The following NCAPG variants were observed in gnomAD, a reference collection of about 807,000 sequenced individuals.
The protein encoded by NCAPG is non-SMC condensin I complex subunit G.
In NCAPG, 69 loss-of-function variants were observed where a neutral mutation model predicts 113.1. The observed-to-expected ratio is 0.61, with a 90% CI of 0.50 to 0.75. NCAPG has a LOEUF of 0.75. NCAPG is among the 30% of genes least tolerant of loss of function. The probability of loss-of-function intolerance (pLI) is 0.00; values close to 1 mark genes in which losing one functional copy is unlikely to be tolerated. For missense variants in NCAPG, 1,058 were observed against 1,177.0 expected, an observed-to-expected ratio of 0.90 and a Z score of 1.48; for synonymous variants, 370 against 415.8, an observed-to-expected ratio of 0.89 and a Z score of 1.34.
intron 7 of NCAPG, among the ~76,000 whole-genome samples, chr4:17,821,310 G>T (rs1341962515): frequency 6.6e-6 from 1 of 152,066 alleles, no homozygotes; most frequent in Non-Finnish European, 1.5e-5. Context: ...AGAACCCAAA[G>T]GGTGGCTGAT....
chr4:17,843,056 C>T, intron 20 of NCAPG: 1 of 263,204 alleles, frequency 3.8e-6, no homozygotes, highest in Non-Finnish European at 7.3e-6. Context: ...GGCTTTTTTT[C>T]CTGTATAACA....
chr4:17,815,251 C>A (rs1044830263), intron 4 of NCAPG, 23 bp from the exon 5 acceptor site: 12 of 1,565,022 alleles, frequency 7.7e-6, no homozygotes, highest in African/African-American at 2.7e-5. Flanking sequence ...GGTTAATGAC[C>A]ATCTTTATAA....
chr4:17,836,610 T>C (rs1409971626), intron 14 of NCAPG, among the ~76,000 whole-genome samples: 2 of 152,204 alleles, frequency 1.3e-5, no homozygotes, highest in Non-Finnish European at 1.5e-5. Context: ...AATATTTGTA[T>C]ATGGTCTAAG....
intron 19 of NCAPG, 133 bp downstream of exon 19, chr4:17,840,826 CCTTT>C (rs1722336388): frequency 1.5e-5 from 7 of 462,670 alleles, no homozygotes; most frequent in African/African-American, 6.1e-5. Flanking sequence ...TCTTTGGTAT[CCTTT>C]CTTTTTAATT....
In NCAPG at chr4:17,825,483, A is replaced by G; in HGVS notation, c.1575A>G (p.Ile525Met). 1.2e-6 allele frequency: 2 copies of G among 1,610,170 alleles called. No individual in the cohort carries two copies. Among genetic ancestry groups the G allele is most frequent in the African/African-American group, 1.3e-5 (1 of 74,632 alleles). ...GGGCATCAGAATTAAAAGAAGAAATAAAAGCATTAGAAGATGCCAGAATAA... is the reference window on the plus strand; with the variant it reads ...GGGCATCAGAATTAAAAGAAGAAATGAAAGCATTAGAAGATGCCAGAATAA... ...FNRASELKEE[I>M]KALEDARINL... Residue 525 changes from isoleucine to methionine, a missense_variant, in exon 11 of 21, where the codon ATA becomes ATG. Ile to Met is a conservative substitution (Grantham distance 10). Transcript: ENST00000251496.
intron 9 of NCAPG, 82 bp from the exon 10 acceptor site, chr4:17,824,886 C>A: frequency 1.1e-6 from 1 of 900,350 alleles, no homozygotes. Flanking sequence ...ATGGTGGATA[C>A]TACTTGGAGT....
rs1033288600 is a variant in NCAPG at position 17,825,568 on chromosome 4, G to A, written c.1653+7G>A. The A allele has an allele frequency of 1.3e-6, 2 of 1,575,268 alleles. No homozygotes were observed. Among genetic ancestry groups the A allele is most frequent in the African/African-American group, 2.8e-5 (2 of 72,120 alleles). ...AGAAGTCCACATAGAGAAGGTACAGGTAACTTTTTTCATACTAAATCTCAG... is the reference window on the plus strand; with the variant it reads ...AGAAGTCCACATAGAGAAGGTACAGATAACTTTTTTCATACTAAATCTCAG... On this transcript the variant is annotated splice_region_variant and intron_variant, in intron 11 of 20. Coordinates refer to ENST00000251496, the MANE Select transcript of NCAPG (RefSeq NM_022346.5).
chr4:17,826,510 T>C (rs1721662252), intron 11 of NCAPG, among the ~76,000 whole-genome samples: 1 of 152,214 alleles, frequency 6.6e-6, no homozygotes, highest in South Asian at 2.1e-4. Flanking sequence ...CATTATAGGC[T>C]ATTAAATTTG....
rs564489470 is a variant in NCAPG at position 17,831,219 on chromosome 4, G to T, written c.1884+103G>T. 15 of 1,180,738 alleles carry T rather than the reference G, an allele frequency of 1.3e-5. No homozygotes were observed. The East Asian group carries it at 2.0e-4, about 16-fold the overall frequency. The allele number at this position is 1,180,738 out of a possible 1,614,324, so 73.1% of individuals were successfully genotyped here. ...ATCTATTCTGATTCTTATTGATGAT[G>T]ATTATTATGGATAATCTTTGGAGAC... On this transcript the variant is annotated intron_variant, in intron 13 of 20. Coordinates refer to ENST00000251496, the MANE Select transcript of NCAPG (RefSeq NM_022346.5).
intron 5 of NCAPG, among the ~76,000 whole-genome samples, chr4:17,815,794 G>C (rs562020759): frequency 7.5e-4 from 114 of 152,260 alleles, no homozygotes; most frequent in African/African-American, 2.6e-3. Flanking sequence ...AAAGTGTTGG[G>C]ATTACAGGTG....
In NCAPG at chr4:17,819,307, G is replaced by A. The variant is rs146756651; in HGVS notation, c.1118+1219G>A. Among the ~76,000 whole-genome samples the A allele has an allele frequency of 5.3e-5, 8 of 152,088 alleles. No homozygotes were observed. The East Asian group carries it at 1.5e-3, about 29-fold the overall frequency. On this transcript the variant is annotated intron_variant, in intron 7 of 20. Coordinates refer to ENST00000251496, the MANE Select transcript of NCAPG (RefSeq NM_022346.5). ...ATTTTTGGGTACCTTTGGGATTTTT[G>A]GGGGTTAATTCCAAGAAATAAGTTG...
chr4:17,823,911 C>A (rs1053296245), intron 9 of NCAPG, 141 bp downstream of exon 9: 7 of 623,292 alleles, frequency 1.1e-5, no homozygotes, highest in Non-Finnish European at 1.6e-5. Flanking sequence ...TTCTTAAAAC[C>A]ATTATCTATC....
At chr4:17,839,432 A>G (rs1933904283) in intron 16 of NCAPG, among the ~76,000 whole-genome samples, 1 of 152,144 alleles carries the variant, frequency 6.6e-6, no homozygotes, top group Non-Finnish European at 1.5e-5. Context: ...ACATGCAGCA[A>G]CTGGGGGATG....
chr4:17,815,365 T>C lies in NCAPG; in HGVS notation c.775+7T>C. 1.3e-6 allele frequency: 2 copies of C among 1,573,666 alleles called. No individual in the cohort carries two copies. The highest frequency in any genetic ancestry group is 2.3e-5 in the East Asian group (1 of 44,080). ...GGTCTTAATGACAGATCAGGTAAGA[T>C]AAACAACTTTATATATACAAAACTT... On this transcript the variant is annotated splice_region_variant and intron_variant, in intron 5 of 20. Transcript: ENST00000251496.
At chr4:17,813,400 C>G (rs538606861) in intron 3 of NCAPG, 2 of 263,308 alleles carry the variant, frequency 7.6e-6, no homozygotes, top group Admixed American at 1.0e-4. Flanking sequence ...TAGTCTCTTG[C>G]TTAAATTAAA....
intron 9 of NCAPG, 54 bp from the exon 10 acceptor site, chr4:17,824,914 T>C: frequency 7.9e-7 from 1 of 1,268,104 alleles, no homozygotes; most frequent in Non-Finnish European, 1.1e-6. Flanking sequence ...AGAATTTTGA[T>C]ACTATTTGCT....
intron 19 of NCAPG, 28 bp downstream of exon 19, chr4:17,840,721 A>C: frequency 7.2e-7 from 1 of 1,383,210 alleles, no homozygotes; most frequent in Non-Finnish European, 9.6e-7. Flanking sequence ...CATCTTTATG[A>C]TAAAAGTTTT....
At chr4:17,843,059 G>T in intron 20 of NCAPG, 1 of 287,530 alleles carries the variant, frequency 3.5e-6, no homozygotes, top group Non-Finnish European at 6.6e-6. Flanking sequence ...TTTTTTTCCT[G>T]TATAACACCA....
intron 12 of NCAPG, 128 bp downstream of exon 12, chr4:17,828,516 A>C (rs771573366): frequency 3.2e-5 from 15 of 467,964 alleles, no homozygotes; most frequent in African/African-American, 3.0e-4. Context: ...TAAATGATAA[A>C]ATATATATAT....
Sources: allele counts gnomAD v4.1 joint callset (sites outside exome capture counted in the v4.1 genomes callset), GRCh38; gene constraint gnomAD v4.1.1; transcripts MANE v1.5; gene names NCBI Gene and HGNC (gene_info 2026-07-23, HGNC 2026-07-21).